The following CCDC51 variants were observed in gnomAD, a reference collection of about 807,000 sequenced individuals.
CCDC51 encodes coiled-coil domain containing 51.
Under a neutral mutation model 24.8 loss-of-function variants are expected in CCDC51, and 25 were observed. That is an observed-to-expected ratio of 1.01 (90% CI 0.73 to 1.41). The LOEUF (loss-of-function observed/expected upper bound fraction) is 1.41. CCDC51 is among the 40% of genes most tolerant of loss of function. The probability of loss-of-function intolerance (pLI) is 0.00; values close to 1 mark genes in which losing one functional copy is unlikely to be tolerated. For missense variants in CCDC51, 466 were observed against 519.1 expected (o/e 0.90, Z 0.99); for synonymous variants, 190 against 204.3 (o/e 0.93, Z 0.60).
chr3:48,439,264 C>T lies in CCDC51; in HGVS notation c.-9+724G>A, dbSNP rs117344055. Among the ~76,000 whole-genome samples the T allele has an allele frequency of 1.0e-3, 154 of 152,292 alleles. 1 individual carries two copies. In the East Asian group the frequency reaches 0.027, roughly 26 times the overall value. ...GCTTGGTACCTACATATAGTACGTA[C>T]CCAGCAAAAAATGTACTCATCTGCC... On this transcript the variant is annotated intron_variant, in intron 1 of 3. Coordinates refer to ENST00000395694, the MANE Select transcript of CCDC51 (RefSeq NM_001256964.2).
At chr3:48,440,322 C>T (rs372813311), upstream of CCDC51, 144 of 1,611,308 alleles carry the variant, frequency 8.9e-5, no homozygotes, top group African/African-American at 1.7e-3. Flanking sequence ...GGTAAGTGTT[C>T]CGGAACCGTG....
In CCDC51 at chr3:48,432,933, C is replaced by T. The variant is rs1211389426; in HGVS notation, c.711G>A (p.Ala237=). The change falls in exon 4 of 4, where the codon GCG becomes GCA. Residue 237 remains alanine (A), a synonymous_variant. Coordinates refer to ENST00000395694, the MANE Select transcript of CCDC51 (RefSeq NM_001256964.2). ...CTTGGAGACTCACAGGCCCCTTCTG[C>T]GCCTCCAGGAGTAAAGCCTTCAGCT... The part of the protein sequence containing the change: ...LQELKALLLE[A]QKGPVSLQEA... The T allele has an allele frequency of 1.9e-6, 3 of 1,613,998 alleles. No individual in the cohort carries two copies. Among genetic ancestry groups the T allele is most frequent in the African/African-American group, 1.3e-5 (1 of 74,920 alleles).
chr3:48,438,667 C>T (rs918064506), intron 1 of CCDC51, among the ~76,000 whole-genome samples: 1 of 152,204 alleles, frequency 6.6e-6, no homozygotes, highest in African/African-American at 2.4e-5. Flanking sequence ...CAGTGACCCA[C>T]ATCACATCTC....
upstream of CCDC51, chr3:48,440,303 G>C (rs745885023): frequency 6.2e-6 from 10 of 1,607,148 alleles, no homozygotes; most frequent in Non-Finnish European, 8.5e-6. Context: ...CGCCATGTCC[G>C]GCCGCGAAGG....
chr3:48,441,010 T>TTTTTGTTTTGTTTTGTTTTG (rs747987196), upstream of CCDC51: 244 of 270,168 alleles, frequency 9.0e-4, no homozygotes, highest in African/African-American at 5.0e-3. Context: ...CTTAGAAGTT[T>TTTTTGTTTTGTTTTGTTTTG]TTTTGTTTTG....
At position 48,440,043 on chromosome 3, in the gene CCDC51, C is replaced by A. The variant is rs2039513157; in HGVS notation, c.-64G>T. The A allele has an allele frequency of 1.7e-6, 1 of 588,266 alleles. No homozygotes were observed. Among genetic ancestry groups the A allele is most frequent in the Non-Finnish European group, 2.9e-6 (1 of 347,224 alleles). 36.4% of individuals were successfully genotyped at this position (588,266 alleles called of 1,614,324 possible). On this transcript the variant is annotated 5_prime_UTR_variant, in exon 1 of 4. Coordinates refer to ENST00000395694, the MANE Select transcript of CCDC51 (RefSeq NM_001256964.2). ...GCCTGGTAGGCCGTCCGGTTAAGTACCCCTCCTACGGTTCCGATTCTACCC... is the reference window on the plus strand; with the variant it reads ...GCCTGGTAGGCCGTCCGGTTAAGTAACCCTCCTACGGTTCCGATTCTACCC...
chr3:48,441,628 T>A (rs1263967790), upstream of CCDC51, among the ~76,000 whole-genome samples: 1 of 152,222 alleles, frequency 6.6e-6, no homozygotes, highest in Non-Finnish European at 1.5e-5. Flanking sequence ...CTTTTCTAAC[T>A]GAATCCTCCA....
rs2039251865 is a variant in CCDC51, at chr3:48,433,452, C to T, written c.477+255G>A. On this transcript the variant is annotated intron_variant, in intron 3 of 3. Transcript: ENST00000395694. This position sits in a 1 kb window ranked among gnomAD's most constrained non-coding sequence, Gnocchi z 4.4. ...TGTCCAGCACTCCCTAGGCCAGCCC[C>T]TCCATAGTTCTCCTTCCTCAGCATT... is the stretch of plus-strand genomic sequence containing the variant. Among the ~76,000 whole-genome samples, 1 of 152,234 alleles carries T rather than the reference C, an allele frequency of 6.6e-6. No homozygotes were observed. The highest frequency in any genetic ancestry group is 1.5e-5 in the Non-Finnish European group (1 of 68,032).
chr3:48,435,797 T>G lies in CCDC51; in HGVS notation c.-8-661A>C, dbSNP rs1053275042. The stretch of plus-strand genomic sequence containing the variant: ...GGCAAAAAAAAACAAAACAAAACTG[T>G]TTTTGCCACAGAGGACTTTTCTTAG... On this transcript the variant is annotated intron_variant, in intron 1 of 3. Transcript: ENST00000395694. This position sits in a 1 kb window ranked among gnomAD's most constrained non-coding sequence, Gnocchi z 4.2. Among the ~76,000 whole-genome samples, 6 of 151,926 alleles carry G rather than the reference T, an allele frequency of 3.9e-5. No individual in the cohort carries two copies. The highest frequency in any genetic ancestry group is 7.3e-5 in the African/African-American group (3 of 41,360).
At chr3:48,445,514 C>T in the CCDC51 span, among the ~76,000 whole-genome samples, 1 of 152,186 alleles carries the variant, frequency 6.6e-6, no homozygotes, top group Non-Finnish European at 1.5e-5. Context: ...ACCTGAGCAC[C>T]AGTGATTCAC....
chr3:48,441,694 G>T (rs907577341), upstream of CCDC51, among the ~76,000 whole-genome samples: 2 of 151,902 alleles, frequency 1.3e-5, no homozygotes, highest in Non-Finnish European at 2.9e-5. Flanking sequence ...ATATTTTTCA[G>T]GCCCAGCAGT....
chr3:48,443,754 A>T (rs569813626), upstream of CCDC51: 23 of 1,023,962 alleles, frequency 2.2e-5, 1 homozygote, highest in South Asian at 4.5e-4. Context: ...GCCCAATACA[A>T]AAGCCAGGCT....
At chr3:48,439,077 T>C (rs1270918511) in intron 1 of CCDC51, among the ~76,000 whole-genome samples, 3 of 151,970 alleles carry the variant, frequency 2.0e-5, no homozygotes, top group Non-Finnish European at 4.4e-5. Context: ...CCTTGGGAGG[T>C]CTTCCCCATG....
chr3:48,433,961 G>A lies in CCDC51; in HGVS notation c.313-90C>T, dbSNP rs1211252245. The A allele has an allele frequency of 2.0e-6, 3 of 1,529,414 alleles. No individual in the cohort carries two copies. Among genetic ancestry groups the A allele is most frequent in the Non-Finnish European group, 2.6e-6 (3 of 1,140,682 alleles). 94.7% of individuals were successfully genotyped at this position (1,529,414 alleles called of 1,614,324 possible). On this transcript the variant is annotated intron_variant, in intron 2 of 3. Transcript: ENST00000395694. The surrounding 1 kb of genome is among the most constrained non-coding windows in gnomAD (Gnocchi z 4.4). ...TCCCAGCAAGGCATTCCCAGAAGAG[G>A]TCACTGGGGTGTGAGCTGCAAAGGG... is the stretch of plus-strand genomic sequence containing the variant.
At chr3:48,436,443 G>A (rs1021704808) in intron 1 of CCDC51, among the ~76,000 whole-genome samples, 1 of 152,192 alleles carries the variant, frequency 6.6e-6, no homozygotes, top group Non-Finnish European at 1.5e-5. Flanking sequence ...GTGGGCCTGA[G>A]CTGAGAGCCG....
chr3:48,436,950 A>T lies in CCDC51; in HGVS notation c.-8-1814T>A, dbSNP rs932292699. On this transcript the variant is annotated intron_variant, in intron 1 of 3. Transcript: ENST00000395694. ...AATCAGATTACATCCCTCTGATCAA[A>T]ATCCCCCAACAGCTCCCATTTCACC... Among the ~76,000 whole-genome samples the T allele has an allele frequency of 1.1e-4, 17 of 152,268 alleles. 1 individual carries two copies. The highest frequency in any genetic ancestry group is 1.0e-3 in the Admixed American group (16 of 15,294).
rs1350060790 is a variant in CCDC51 at position 48,439,976 on chromosome 3, C to T, written c.-9+12G>A. On this transcript the variant is annotated intron_variant, in intron 1 of 3. Transcript: ENST00000395694. ...TGAAGCTCTTTGCACATGCACATGCCCTGCTGTCTACCTGCAGTGCTCTTC... is the reference window on the plus strand; with the variant it reads ...TGAAGCTCTTTGCACATGCACATGCTCTGCTGTCTACCTGCAGTGCTCTTC... 1 of 459,186 alleles carries T rather than the reference C, an allele frequency of 2.2e-6. No individual in the cohort carries two copies. Among genetic ancestry groups the T allele is most frequent in the Non-Finnish European group, 3.9e-6 (1 of 258,952 alleles). 28.4% of individuals were successfully genotyped at this position (459,186 alleles called of 1,614,324 possible).
chr3:48,436,678 C>T (rs4858819), intron 1 of CCDC51, among the ~76,000 whole-genome samples: 38,141 of 152,254 alleles, frequency 0.25, 5,715 homozygotes, highest in East Asian at 0.63. Context: ...ATGCAGTGTC[C>T]GCCATGGCTG....
At chr3:48,443,842 T>C (rs558920262), upstream of CCDC51, 7 of 1,560,278 alleles carry the variant, frequency 4.5e-6, no homozygotes, top group Admixed American at 1.3e-4. Context: ...TATTTTTCTT[T>C]TGCAGCCACA....
Sources: allele counts gnomAD v4.1 joint callset (sites outside exome capture counted in the v4.1 genomes callset), GRCh38; gene constraint gnomAD v4.1.1; non-coding constraint Gnocchi (gnomAD v3.1); transcripts MANE v1.5; gene names NCBI Gene and HGNC (gene_info 2026-07-23, HGNC 2026-07-21).